The following WDR7 variants were observed in gnomAD, a reference collection of about 807,000 sequenced individuals.
The protein encoded by WDR7 is WD repeat-containing protein 7.
Under a neutral mutation model 169.4 loss-of-function variants are expected in WDR7, and 46 were observed. The ratio of observed to expected loss-of-function variants is 0.27; its 90% CI spans 0.21 to 0.35. WDR7 has a LOEUF of 0.35. WDR7 is among the 10% of genes least tolerant of loss of function. WDR7 has a pLI of 1.00. For missense variants in WDR7, 1,534 were observed against 1,859.3 expected (o/e 0.83, Z 3.22); for synonymous variants, 612 against 666.8 (o/e 0.92, Z 1.27).
chr18:56,680,792 C>A (rs548708067), intron 3 of WDR7, among the ~76,000 whole-genome samples: 3 of 152,280 alleles, frequency 2.0e-5, no homozygotes, highest in African/African-American at 7.2e-5. Flanking sequence ...TTGACTTTAA[C>A]TTTTGTTTTT....
intron 25 of WDR7, among the ~76,000 whole-genome samples, chr18:56,958,666 G>A (rs891837435): frequency 5.3e-5 from 8 of 152,070 alleles, no homozygotes; most frequent in Admixed American, 1.3e-4. Context: ...ATAACTTCTT[G>A]TAAATCTACA....
chr18:57,002,677 T>A (rs2048000692), intron 26 of WDR7, among the ~76,000 whole-genome samples: 1 of 152,212 alleles, frequency 6.6e-6, no homozygotes, highest in African/African-American at 2.4e-5. Flanking sequence ...TAAAATGTTC[T>A]GTAACACTTG....
In WDR7 at chr18:56,757,316, C is replaced by A. The variant is rs867796256; in HGVS notation, c.2723C>A (p.Thr908Asn). The A allele has an allele frequency of 6.2e-7, 1 of 1,611,646 alleles. No homozygotes were observed. The highest frequency in any genetic ancestry group is 1.3e-5 in the African/African-American group (1 of 74,988). Residue 908 changes from threonine (T) to asparagine (N), a missense_variant, in exon 15 of 28, where the codon ACT (threonine) becomes AAT (asparagine). Coordinates refer to ENST00000254442, the MANE Select transcript of WDR7 (RefSeq NM_015285.3). The stretch of plus-strand genomic sequence containing the variant: ...ACTTTAATGAGTATGACCAATGCAA[C>A]TTTTATTGGTGATCATATGAAGAAG... ...ANTLMSMTNA[T>N]FIGDHMKKGP... is the part of the protein sequence containing the mutation.
At chr18:56,893,290 T>TCTTATATATA (rs1357267476) in intron 21 of WDR7, among the ~76,000 whole-genome samples, 1 of 152,036 alleles carries the variant, frequency 6.6e-6, no homozygotes, top group East Asian at 1.9e-4. Flanking sequence ...GGCTTCATAT[T>TCTTATATATA]TGTATGTCTT....
chr18:56,805,014 A>G (rs912633547), intron 19 of WDR7, among the ~76,000 whole-genome samples: 1 of 152,126 alleles, frequency 6.6e-6, no homozygotes, highest in Non-Finnish European at 1.5e-5. Context: ...TGGAAGACCA[A>G]TTGGATGGTT....
intron 21 of WDR7, among the ~76,000 whole-genome samples, chr18:56,884,991 A>G (rs2046166356): frequency 6.6e-6 from 1 of 152,210 alleles, no homozygotes; most frequent in South Asian, 2.1e-4. Context: ...CCTCAGTCCC[A>G]GCCCAGAGCC....
intron 26 of WDR7, chr18:57,010,075 T>C: frequency 1.0e-6 from 1 of 985,422 alleles, no homozygotes; most frequent in African/African-American, 1.7e-5. Context: ...CTAGAAAGGG[T>C]GGAGATAATC....
At chr18:56,956,928 T>C (rs1337607433) in intron 25 of WDR7, among the ~76,000 whole-genome samples, 2 of 152,164 alleles carry the variant, frequency 1.3e-5, no homozygotes, top group African/African-American at 4.8e-5. Flanking sequence ...AAGTATGAAG[T>C]TTGGTAATAC....
chr18:56,711,347 A>T (rs867578616), intron 12 of WDR7, among the ~76,000 whole-genome samples: 14 of 152,112 alleles, frequency 9.2e-5, no homozygotes, highest in Non-Finnish European at 1.6e-4. Context: ...AAATGTATTT[A>T]TGATTGTGGG....
At chr18:57,020,909 A>T in intron 27 of WDR7, 60 bp downstream of exon 27, 1 of 1,515,708 alleles carries the variant, frequency 6.6e-7, no homozygotes, top group Non-Finnish European at 9.1e-7. Context: ...TTTGGTAGTA[A>T]GCCTTCCTGT....
intron 19 of WDR7, among the ~76,000 whole-genome samples, chr18:56,792,042 G>A (rs1456331073): frequency 2.6e-5 from 4 of 151,584 alleles, no homozygotes; most frequent in Admixed American, 6.6e-5. Context: ...TTTCAAGATA[G>A]GGCCTCGCTC....
At chr18:56,709,868 T>C (rs1555680339) in intron 12 of WDR7, among the ~76,000 whole-genome samples, 1 of 152,088 alleles carries the variant, frequency 6.6e-6, no homozygotes, top group Non-Finnish European at 1.5e-5. Context: ...TTTAAAAATG[T>C]GGTATAGTTT....
intron 26 of WDR7, among the ~76,000 whole-genome samples, chr18:56,992,025 A>C (rs559315176): frequency 2.1e-4 from 32 of 152,258 alleles, no homozygotes; most frequent in Non-Finnish European, 4.7e-4. Flanking sequence ...AGTCCTGCTC[A>C]GTGTAAAATA....
intron 20 of WDR7, among the ~76,000 whole-genome samples, chr18:56,869,908 T>G (rs565907638): frequency 2.2e-4 from 33 of 152,122 alleles, no homozygotes; most frequent in Non-Finnish European, 4.6e-4. Context: ...ACACATTTGG[T>G]TTAGGAAAAG....
intron 16 of WDR7, among the ~76,000 whole-genome samples, chr18:56,767,058 T>C (rs1462923262): frequency 6.6e-6 from 1 of 152,208 alleles, no homozygotes; most frequent in African/African-American, 2.4e-5. Flanking sequence ...TTCTTTTTTT[T>C]CCTGGTCTTG....
In WDR7 at chr18:56,685,981, G is replaced by A. The variant is rs150350647; in HGVS notation, c.546G>A (p.Val182=). 10,396 of 1,602,130 alleles carry A rather than the reference G, an allele frequency of 6.5e-3. 50 individuals are homozygous for A. Among genetic ancestry groups the A allele is most frequent in the Middle Eastern group, 9.0e-3 (54 of 6,026 alleles). ...TQEDTVVALS[V]TGILKVWIVT... ...AGGACACAGTGGTAGCACTCTCGGT[G>A]ACTGGCATCCTGAAGGTCTGGATTG... The change falls in exon 6 of 28, where the codon GTG becomes GTA. Residue 182 remains valine, a synonymous_variant. Transcript: ENST00000254442.
intron 20 of WDR7, among the ~76,000 whole-genome samples, chr18:56,826,593 C>T (rs2045208114): frequency 6.6e-6 from 1 of 152,042 alleles, no homozygotes; most frequent in Non-Finnish European, 1.5e-5. Context: ...AGCCATAAAC[C>T]TGAATGTATT....
At chr18:56,755,711 G>A (rs1402679356) in intron 14 of WDR7, among the ~76,000 whole-genome samples, 1 of 152,184 alleles carries the variant, frequency 6.6e-6, no homozygotes, top group African/African-American at 2.4e-5. Flanking sequence ...CTACATATAG[G>A]TGATAGTTCC....
chr18:56,665,306 A>AAAAAG (rs1555674550), intron 1 of WDR7, among the ~76,000 whole-genome samples: 1 of 133,374 alleles, frequency 7.5e-6, no homozygotes, highest in Non-Finnish European at 1.6e-5. Flanking sequence ...AAAAAAAAAA[A>AAAAAG]AAGAAGAAGA....
Sources: gnomAD v4.1 joint callset for allele counts (sites outside exome capture counted in the v4.1 genomes callset) on GRCh38, gnomAD v4.1.1 for gene constraint, MANE v1.5 for transcripts, NCBI Gene and HGNC (gene_info 2026-07-23, HGNC 2026-07-21) for gene names.